The following PLAAT3 variants were observed in gnomAD, a reference collection of about 807,000 sequenced individuals.
PLAAT3 encodes the protein Ca-independent phospholipase A1/2.
PLAAT3 carries 21 observed loss-of-function variants against 16.7 expected under a neutral mutation model. The ratio of observed to expected loss-of-function variants is 1.26; its 90% CI spans 0.89 to 1.81. The LOEUF (loss-of-function observed/expected upper bound fraction) is 1.81, where lower values mean the gene tolerates loss of function less well. Among genes scored for constraint, PLAAT3 ranks in the 40% most tolerant of loss-of-function variants. The pLI is 0.00. For missense variants in PLAAT3, 219 were observed against 213.7 expected, an observed-to-expected ratio of 1.02 and a Z score of -0.16; for synonymous variants, 76 against 81.7, an observed-to-expected ratio of 0.93 and a Z score of 0.38.
intron 2 of PLAAT3, among the ~76,000 whole-genome samples, chr11:63,603,638 G>GA (rs1162900158): frequency 7.9e-6 from 1 of 126,960 alleles, no homozygotes; most frequent in Non-Finnish European, 1.7e-5. Flanking sequence ...AAAGTTGAAG[G>GA]AAAAAAAAGA....
upstream of PLAAT3, among the ~76,000 whole-genome samples, chr11:63,614,996 C>A (rs1938795551): frequency 8.1e-6 from 1 of 123,480 alleles, no homozygotes; most frequent in Non-Finnish European, 1.8e-5. Context: ...GCCTGTGCAA[C>A]AAAGCGAAAC....
intron 2 of PLAAT3, among the ~76,000 whole-genome samples, chr11:63,606,324 G>C (rs1358747920): frequency 6.6e-6 from 1 of 151,984 alleles, no homozygotes; most frequent in East Asian, 1.9e-4. Context: ...GGTGGCTCAC[G>C]CCTGTAATCC....
intron 3 of PLAAT3, among the ~76,000 whole-genome samples, chr11:63,590,631 C>T (rs552550956): frequency 2.5e-4 from 38 of 152,300 alleles, no homozygotes; most frequent in Non-Finnish European, 5.4e-4. Context: ...GTCTTCTATA[C>T]CTCATGACAC....
intron 4 of PLAAT3, among the ~76,000 whole-genome samples, chr11:63,585,709 G>A (rs1207730509): frequency 1.3e-5 from 2 of 152,170 alleles, no homozygotes; most frequent in African/African-American, 4.8e-5. Flanking sequence ...AATTGTTCAT[G>A]CTGTTTCACT....
chr11:63,577,359 A>T (rs1256673112), intron 4 of PLAAT3, among the ~76,000 whole-genome samples: 1 of 152,094 alleles, frequency 6.6e-6, no homozygotes, highest in African/African-American at 2.4e-5. Context: ...TTTAGTACAG[A>T]TGGGGTTTCA....
intron 4 of PLAAT3, among the ~76,000 whole-genome samples, chr11:63,585,836 A>G (rs1937957313): frequency 6.6e-6 from 1 of 152,222 alleles, no homozygotes. Flanking sequence ...CAAGTGTTAA[A>G]TTATTGTTTA....
chr11:63,599,457 G>T (rs922687264), intron 2 of PLAAT3, among the ~76,000 whole-genome samples: 1 of 152,158 alleles, frequency 6.6e-6, no homozygotes, highest in Non-Finnish European at 1.5e-5. Context: ...CAAATGATGG[G>T]CAGTGGTTAA....
chr11:63,586,402 G>A (rs1429680800), intron 4 of PLAAT3, among the ~76,000 whole-genome samples: 1 of 152,190 alleles, frequency 6.6e-6, no homozygotes, highest in African/African-American at 2.4e-5. Context: ...CCAAAGTGCT[G>A]GGATTACAGG....
intron 2 of PLAAT3, among the ~76,000 whole-genome samples, chr11:63,608,209 A>C (rs1359178993): frequency 6.6e-6 from 1 of 152,044 alleles, no homozygotes; most frequent in Non-Finnish European, 1.5e-5. Flanking sequence ...AATTAAAACA[A>C]AGTTCCCAGG....
chr11:63,612,256 C>T (rs1697428932), intron 2 of PLAAT3, among the ~76,000 whole-genome samples: 2 of 152,150 alleles, frequency 1.3e-5, no homozygotes, highest in South Asian at 4.1e-4. Flanking sequence ...AAGTGATCCT[C>T]CCACCTTGGC....
intron 3 of PLAAT3, among the ~76,000 whole-genome samples, chr11:63,595,290 C>CG (rs1225823205): frequency 1.3e-4 from 10 of 75,782 alleles, no homozygotes; most frequent in African/African-American, 4.4e-4. Flanking sequence ...GACTCCGTCT[C>CG]GGAAAAAAAA....
chr11:63,587,683 T>C (rs956169977), intron 4 of PLAAT3, among the ~76,000 whole-genome samples: 3 of 151,636 alleles, frequency 2.0e-5, no homozygotes, highest in Admixed American at 1.3e-4. Context: ...GCCTCACCAG[T>C]AGCTGGGATT....
chr11:63,575,220 A>C (rs1339963916), intron 4 of PLAAT3, among the ~76,000 whole-genome samples, 174 bp from the exon 5 acceptor site: 2 of 152,230 alleles, frequency 1.3e-5, no homozygotes, highest in Non-Finnish European at 2.9e-5. Flanking sequence ...TGGACGGGAA[A>C]AGAATTCGTG....
chr11:63,596,598 G>T (rs183204056), intron 3 of PLAAT3, among the ~76,000 whole-genome samples: 2 of 151,632 alleles, frequency 1.3e-5, no homozygotes, highest in South Asian at 4.2e-4. Context: ...CTGGGGTGAC[G>T]GGTGACAGTG....
At chr11:63,596,869 G>A (rs1938301207) in intron 3 of PLAAT3, among the ~76,000 whole-genome samples, 1 of 151,982 alleles carries the variant, frequency 6.6e-6, no homozygotes, top group African/African-American at 2.4e-5. Flanking sequence ...GCTGAGGCAG[G>A]TGGATCTCCC....
intron 2 of PLAAT3, among the ~76,000 whole-genome samples, chr11:63,611,371 C>A (rs1358000350): frequency 6.6e-6 from 1 of 152,156 alleles, no homozygotes; most frequent in East Asian, 1.9e-4. Context: ...TGATAAAATA[C>A]CACTCCCCCA....
In PLAAT3 at chr11:63,580,929, A is replaced by G. The variant is rs192597084; in HGVS notation, c.388-5883T>C. ...AATTGTTAAGATTTCATGGACATTT[A>G]TCAGTTCCCAAAATTAATACTTTCA... is the stretch of plus-strand genomic sequence containing the variant. On this transcript the variant is annotated intron_variant, in intron 4 of 4. Transcript: ENST00000415826. Among the ~76,000 whole-genome samples, 369 of 152,368 alleles carry G rather than the reference A, an allele frequency of 2.4e-3. 1 individual carries two copies. The highest frequency in any genetic ancestry group is 4.6e-3 in the Admixed American group (71 of 15,306).
At chr11:63,615,040 A>G (rs868288048), upstream of PLAAT3, among the ~76,000 whole-genome samples, 410 of 9,252 alleles carry the variant, frequency 0.044, 22 homozygotes, top group African/African-American at 0.05. Flanking sequence ...GTGTATATAT[A>G]TGTATATATA....
At chr11:63,609,658 G>A (rs1938647134) in intron 2 of PLAAT3, among the ~76,000 whole-genome samples, 1 of 152,208 alleles carries the variant, frequency 6.6e-6, no homozygotes. Context: ...GAGAGAAGGA[G>A]GAGGAGGGAT....
Sources: gnomAD v4.1 joint callset for allele counts (sites outside exome capture counted in the v4.1 genomes callset) on GRCh38, gnomAD v4.1.1 for gene constraint, MANE v1.5 for transcripts, NCBI Gene and HGNC (gene_info 2026-07-23, HGNC 2026-07-21) for gene names.